Variants in KLRF1 observed in about 807,000 individuals in gnomAD.
The protein encoded by KLRF1 is killer cell lectin like receptor F1, also known as killer cell lectin-like receptor subfamily F member 1.
KLRF1 carries 27 observed loss-of-function variants against 30.7 expected under a neutral mutation model. That is an observed-to-expected ratio of 0.88 (90% CI 0.65 to 1.21). The LOEUF (loss-of-function observed/expected upper bound fraction) is 1.21, where lower values mean the gene tolerates loss of function less well. KLRF1 is among the 50% of genes most tolerant of loss of function. The pLI, the probability that KLRF1 is intolerant of heterozygous loss-of-function variation, is 0.00. For synonymous variants in KLRF1, 92 were observed against 89.3 expected, an observed-to-expected ratio of 1.03 and a Z score of -0.17; for missense variants, 246 against 259.3, an observed-to-expected ratio of 0.95 and a Z score of 0.35.
the KLRF1 span, among the ~76,000 whole-genome samples, chr12:9,818,889 AG>A: frequency 1.3e-5 from 2 of 152,226 alleles, no homozygotes; most frequent in African/African-American, 4.8e-5. Context: ...TAGTAAATAC[AG>A]CACCTTCAAC....
the KLRF1 span, among the ~76,000 whole-genome samples, chr12:9,814,663 G>T: frequency 2.0e-4 from 31 of 152,336 alleles, no homozygotes; most frequent in Middle Eastern, 3.4e-3. Context: ...GCAAAGCCTG[G>T]TACGGCCCAC....
the KLRF1 span, among the ~76,000 whole-genome samples, chr12:9,819,287 G>A: frequency 1.4e-4 from 22 of 152,232 alleles, no homozygotes; most frequent in South Asian, 2.9e-3. Context: ...TGAATCCAAG[G>A]GGCTGAGCAG....
chr12:9,822,091 C>T, the KLRF1 span, among the ~76,000 whole-genome samples: 3 of 152,222 alleles, frequency 2.0e-5, no homozygotes, highest in Admixed American at 6.5e-5. Context: ...AGAACTCCAG[C>T]AACTCAAATG....
rs1565504060 is a variant in KLRF1, at chr12:9,829,931, A to C, written c.85+2302A>C. Among the ~76,000 whole-genome samples, 3 of 152,200 alleles carry C rather than the reference A, an allele frequency of 2.0e-5. No homozygotes were observed. In the East Asian group the frequency reaches 5.8e-4, roughly 29 times the overall value. On this transcript the variant is annotated intron_variant, in intron 1 of 5. Transcript: ENST00000617889. ...CAGATAACTTTATAAAAAATTATTCAGGCTCACTCACCACAAACAACAACA... is the reference window on the plus strand; with the variant it reads ...CAGATAACTTTATAAAAAATTATTCCGGCTCACTCACCACAAACAACAACA...
In KLRF1 at chr12:9,842,974, A is replaced by G. The variant is rs376880365; in HGVS notation, c.587+541A>G. Among the ~76,000 whole-genome samples, 13 of 152,304 alleles carry G rather than the reference A, an allele frequency of 8.5e-5. No homozygotes were observed. In the East Asian group the frequency reaches 2.3e-3, roughly 27 times the overall value. On this transcript the variant is annotated intron_variant, in intron 5 of 5. Coordinates refer to ENST00000617889, the MANE Select transcript of KLRF1 (RefSeq NM_016523.3). ...CTATTCCTATGTTAGCAGGCAAGAT[A>G]ATGGTCCCCAAAGATGTCCACATTC...
chr12:9,820,584 C>T, the KLRF1 span, among the ~76,000 whole-genome samples: 4 of 152,164 alleles, frequency 2.6e-5, no homozygotes, highest in African/African-American at 9.7e-5. Context: ...AGAGCACCCA[C>T]CTCATGAATA....
Position 9,833,327 on chromosome 12 carries a change from G to C in KLRF1, c.209G>C (p.Cys70Ser), listed in dbSNP as rs1279696581. The change falls in exon 3 of 6, where the codon TGC (cysteine) becomes TCC (serine). Residue 70 changes from cysteine to serine, a missense_variant. Physicochemically the swap from Cys to Ser is moderately radical, Grantham distance 112 (BLOSUM62 -1). Transcript: ENST00000617889. ...LLVSQGVLLK[C>S]QKGSCSNATQ... Reference sequence around the variant, plus strand: ...GTTTCTCAGGGAGTATTGCTAAAATGCCAAAAAGGAAGTTGTTCAAATGCC... The same window carrying C: ...GTTTCTCAGGGAGTATTGCTAAAATCCCAAAAAGGAAGTTGTTCAAATGCC... 1.2e-6 allele frequency: 2 copies of C among 1,603,354 alleles called. No homozygotes were observed. The highest frequency in any genetic ancestry group is 4.5e-5 in the East Asian group (2 of 44,220).
At chr12:9,837,448 T>G (rs1867603943) in intron 3 of KLRF1, among the ~76,000 whole-genome samples, 1 of 152,160 alleles carries the variant, frequency 6.6e-6, no homozygotes, top group East Asian at 1.9e-4. Context: ...ACAATGTTTG[T>G]GTGTGCAGAG....
At chr12:9,834,102 T>TG (rs1000095648) in intron 3 of KLRF1, among the ~76,000 whole-genome samples, 19 of 151,370 alleles carry the variant, frequency 1.3e-4, no homozygotes, top group African/African-American at 4.6e-4. Flanking sequence ...AGGTGCTCAG[T>TG]GGGGGAGCTT....
In KLRF1 at chr12:9,843,283, C is replaced by T. The variant is rs1057128803; in HGVS notation, c.587+850C>T. On this transcript the variant is annotated intron_variant, in intron 5 of 5. Coordinates refer to ENST00000617889, the MANE Select transcript of KLRF1 (RefSeq NM_016523.3). ...TACATCCAGAAGGTGACTCTGCAGACGTTTTGATCTTAGCCCTGTAGGGCA... is the reference window on the plus strand; with the variant it reads ...TACATCCAGAAGGTGACTCTGCAGATGTTTTGATCTTAGCCCTGTAGGGCA... 7.9e-5 allele frequency among the ~76,000 whole-genome samples: 12 copies of T among 152,100 alleles called. 1 individual carries two copies. Among genetic ancestry groups the T allele is most frequent in the Admixed American group, 7.9e-4 (12 of 15,268 alleles).
the KLRF1 span, among the ~76,000 whole-genome samples, chr12:9,804,979 T>C: frequency 7.2e-5 from 11 of 152,124 alleles, no homozygotes; most frequent in African/African-American, 2.6e-4. Flanking sequence ...ATTTGATCAT[T>C]GTGTAATACT....
the KLRF1 span, among the ~76,000 whole-genome samples, chr12:9,811,596 G>A: frequency 2.0e-5 from 3 of 152,092 alleles, no homozygotes; most frequent in African/African-American, 7.2e-5. Flanking sequence ...ATAAAAGTTG[G>A]ACTTAAGATA....
intron 3 of KLRF1, among the ~76,000 whole-genome samples, chr12:9,834,820 A>G (rs1447278180): frequency 6.6e-6 from 1 of 152,068 alleles, no homozygotes; most frequent in Non-Finnish European, 1.5e-5. Flanking sequence ...AGATTGATTT[A>G]GGTAAAAACA....
At chr12:9,809,307 G>A in the KLRF1 span, among the ~76,000 whole-genome samples, 3 of 152,088 alleles carry the variant, frequency 2.0e-5, no homozygotes, top group African/African-American at 7.2e-5. Context: ...AAGAAAGGGT[G>A]GGACTTTTTT....
At chr12:9,826,330 G>A (rs892763647), upstream of KLRF1, among the ~76,000 whole-genome samples, 22 of 152,014 alleles carry the variant, frequency 1.4e-4, no homozygotes, top group Non-Finnish European at 2.2e-4. Context: ...ACCACAGTAA[G>A]ATACCATCTC....
chr12:9,822,556 G>A (rs1867238552), upstream of KLRF1, among the ~76,000 whole-genome samples: 1 of 152,186 alleles, frequency 6.6e-6, no homozygotes, highest in Non-Finnish European at 1.5e-5. Flanking sequence ...AAGGGATGGG[G>A]AGATACAAGC....
chr12:9,838,446 C>T (rs944043031), intron 3 of KLRF1, among the ~76,000 whole-genome samples: 5 of 152,196 alleles, frequency 3.3e-5, no homozygotes, highest in East Asian at 1.9e-4. Flanking sequence ...GCTTTCATCC[C>T]GGTTGTCCCC....
the KLRF1 span, among the ~76,000 whole-genome samples, chr12:9,813,878 G>C: frequency 6.6e-6 from 1 of 152,050 alleles, no homozygotes; most frequent in Non-Finnish European, 1.5e-5. Flanking sequence ...GGAGCTGCCT[G>C]GAGCCTGCAC....
At chr12:9,803,363 A>G in the KLRF1 span, among the ~76,000 whole-genome samples, 14 of 152,228 alleles carry the variant, frequency 9.2e-5, no homozygotes, top group Middle Eastern at 3.4e-3. Context: ...AAACCCTGGA[A>G]GAAAACCTTT....
Sources: allele counts gnomAD v4.1 joint callset (sites outside exome capture counted in the v4.1 genomes callset), GRCh38; gene constraint gnomAD v4.1.1; transcripts MANE v1.5; gene names NCBI Gene and HGNC (gene_info 2026-07-23, HGNC 2026-07-21).